MAD1L1: variants seen among roughly 807,000 people sequenced by gnomAD.
MAD1L1 encodes mitotic arrest deficient 1 like 1.
In MAD1L1, 95 loss-of-function variants were observed where a neutral mutation model predicts 96.9. That is an observed-to-expected ratio of 0.98 (90% CI 0.83 to 1.16). The LOEUF (loss-of-function observed/expected upper bound fraction) is 1.16, where lower values mean the gene tolerates loss of function less well. MAD1L1 is among the 50% of genes most tolerant of loss of function. MAD1L1 has a pLI of 0.00. For synonymous variants in MAD1L1, 473 were observed against 396.6 expected (o/e 1.19, Z -2.29); for missense variants, 1,007 against 954.4 (o/e 1.06, Z -0.73).
At chr7:1,933,786 G>A (rs1789618154) in intron 17 of MAD1L1, among the ~76,000 whole-genome samples, 1 of 152,188 alleles carries the variant, frequency 6.6e-6, no homozygotes, top group East Asian at 1.9e-4. Flanking sequence ...TGGACAGATG[G>A]TTCCGGGGAC....
rs372791771 is a variant in MAD1L1 at position 1,819,413 on chromosome 7, G to A, written c.1999-3185C>T. ...ACACTCACTCTTAATGAAGACACTC[G>A]CGGCGTCCATTGTGGCCACTGCACT... On this transcript the variant is annotated intron_variant, in intron 18 of 18. Transcript: ENST00000265854. Among the ~76,000 whole-genome samples the A allele has an allele frequency of 2.0e-4, 31 of 152,236 alleles. No homozygotes were observed. The East Asian group carries it at 5.2e-3, about 26-fold the overall frequency.
At chr7:1,994,145 G>C (rs868754) in intron 14 of MAD1L1, among the ~76,000 whole-genome samples, 25,317 of 152,274 alleles carry the variant, frequency 0.17, 2,599 homozygotes, top group South Asian at 0.31. Flanking sequence ...ATCACAGGGG[G>C]ATAATCTGTG....
chr7:1,970,260 G>A (rs1314384632), intron 15 of MAD1L1, among the ~76,000 whole-genome samples: 3 of 152,024 alleles, frequency 2.0e-5, no homozygotes, highest in Admixed American at 6.5e-5. Context: ...TCTGATTACA[G>A]GGTGATTAGA....
rs147878643 is a variant in MAD1L1, at chr7:2,023,131, G to A, written c.1219-8489C>T. On this transcript the variant is annotated intron_variant, in intron 12 of 18. Transcript: ENST00000265854. ...CTCTTATCAGAAACGGACAGATCCCGCAGGCAGAAAATCAGTGAGGACACA... is the reference window on the plus strand; with the variant it reads ...CTCTTATCAGAAACGGACAGATCCCACAGGCAGAAAATCAGTGAGGACACA... Among the ~76,000 whole-genome samples the A allele has an allele frequency of 1.8e-3, 276 of 152,290 alleles. 1 individual carries two copies. The highest frequency in any genetic ancestry group is 6.2e-3 in the African/African-American group (258 of 41,544).
At chr7:2,147,568 C>T (rs1789371697) in intron 11 of MAD1L1, among the ~76,000 whole-genome samples, 3 of 152,216 alleles carry the variant, frequency 2.0e-5, no homozygotes, top group African/African-American at 7.2e-5. Flanking sequence ...CCCCAAGACC[C>T]CATTTCACAG....
intron 18 of MAD1L1, among the ~76,000 whole-genome samples, chr7:1,887,653 G>A (rs1203483261): frequency 1.5e-5 from 2 of 136,496 alleles, no homozygotes; most frequent in African/African-American, 4.9e-5. Context: ...GCATGTGGGT[G>A]CCTGTGCATG....
chr7:1,993,475 G>A (rs1781435187), intron 14 of MAD1L1, among the ~76,000 whole-genome samples: 2 of 152,182 alleles, frequency 1.3e-5, no homozygotes, highest in Admixed American at 6.5e-5. Flanking sequence ...CAAAGGTCAC[G>A]ACGTATCAGA....
chr7:2,065,942 G>C (rs895022252), intron 12 of MAD1L1, among the ~76,000 whole-genome samples: 4 of 152,220 alleles, frequency 2.6e-5, no homozygotes, highest in African/African-American at 9.6e-5. Flanking sequence ...GCGGAAGCTT[G>C]GGGCACTGGA....
At chr7:2,223,453 G>GT in intron 4 of MAD1L1, 1 of 152,280 alleles carries the variant, frequency 6.6e-6, no homozygotes, top group East Asian at 1.9e-4. Flanking sequence ...GGTGAAGGCG[G>GT]TGAGTCCTGG....
intron 10 of MAD1L1, among the ~76,000 whole-genome samples, chr7:2,190,018 C>T (rs7796479): frequency 1.8e-4 from 28 of 151,958 alleles, no homozygotes; most frequent in African/African-American, 6.3e-4. Flanking sequence ...AAAAAATAAA[C>T]GAAATAAAAA....
At chr7:1,906,513 C>T (rs1174182781) in intron 17 of MAD1L1, among the ~76,000 whole-genome samples, 1 of 152,270 alleles carries the variant, frequency 6.6e-6, no homozygotes, top group Non-Finnish European at 1.5e-5. Flanking sequence ...GCTTCTCCAT[C>T]GCTCCAGTCT....
intron 17 of MAD1L1, among the ~76,000 whole-genome samples, chr7:1,903,335 A>G (rs1204416679): frequency 0.017 from 1,152 of 69,308 alleles, no homozygotes; most frequent in Middle Eastern, 0.1. Flanking sequence ...TACGGAAGAC[A>G]CTCTTGCGGA....
At chr7:1,913,795 G>A (rs574038630) in intron 17 of MAD1L1, among the ~76,000 whole-genome samples, 16 of 152,252 alleles carry the variant, frequency 1.1e-4, no homozygotes, top group Admixed American at 9.8e-4. Context: ...GATTCCGTGG[G>A]GAGTGGAGGG....
rs1021465980 is a variant in MAD1L1, at chr7:2,128,605, T to C, written c.1073+20547A>G. 4.6e-5 allele frequency among the ~76,000 whole-genome samples: 7 copies of C among 152,312 alleles called. No homozygotes were observed. In the East Asian group the frequency reaches 9.6e-4, roughly 21 times the overall value. On this transcript the variant is annotated intron_variant, in intron 11 of 18. Transcript: ENST00000265854. Reference sequence around the variant, plus strand: ...GCACGCCACCAGAGGCTGTGTAACATGGAAGGATGAGCGGCAAAGCAGAAA... The same window carrying C: ...GCACGCCACCAGAGGCTGTGTAACACGGAAGGATGAGCGGCAAAGCAGAAA...
At chr7:2,071,542 C>T (rs1295871956) in intron 11 of MAD1L1, among the ~76,000 whole-genome samples, 3 of 152,252 alleles carry the variant, frequency 2.0e-5, no homozygotes, top group Non-Finnish European at 4.4e-5. Context: ...ACGGTGGCTG[C>T]AGCCCCTGGG....
At chr7:2,079,607 C>A in intron 11 of MAD1L1, 1 of 470,694 alleles carries the variant, frequency 2.1e-6, no homozygotes, top group Non-Finnish European at 4.4e-6. Context: ...TCTCATCTGA[C>A]CTTGAAATGT....
At chr7:1,969,215 C>T (rs563822621) in intron 15 of MAD1L1, among the ~76,000 whole-genome samples, 1 of 152,192 alleles carries the variant, frequency 6.6e-6, no homozygotes, top group Admixed American at 6.5e-5. Context: ...GAAACCCCAT[C>T]TGTATTAAAA....
chr7:2,102,831 C>G (rs1452364991), intron 11 of MAD1L1, among the ~76,000 whole-genome samples: 1 of 152,210 alleles, frequency 6.6e-6, no homozygotes, highest in African/African-American at 2.4e-5. Context: ...CAGGACCACT[C>G]TCCACGCCAT....
intron 11 of MAD1L1, among the ~76,000 whole-genome samples, chr7:2,134,303 G>A (rs1788652100): frequency 6.6e-6 from 1 of 152,112 alleles, no homozygotes; most frequent in South Asian, 2.1e-4. Context: ...GCTTGTTGCT[G>A]GTACACAGGA....
Sources: allele counts gnomAD v4.1 joint callset (sites outside exome capture counted in the v4.1 genomes callset), GRCh38; gene constraint gnomAD v4.1.1; transcripts MANE v1.5; gene names NCBI Gene and HGNC (gene_info 2026-07-23, HGNC 2026-07-21).